The following RALGAPA2 variants were observed in gnomAD, a reference collection of about 807,000 sequenced individuals.
RALGAPA2 encodes ral GTPase-activating protein subunit alpha-2.
Under a neutral mutation model 230.4 loss-of-function variants are expected in RALGAPA2, and 139 were observed. The ratio of observed to expected loss-of-function variants is 0.60; its 90% CI spans 0.53 to 0.69. The LOEUF is 0.69. Ranked by LOEUF, RALGAPA2 falls within the 30% of genes least tolerant of loss-of-function variation. The pLI is 0.00. For synonymous variants in RALGAPA2, 847 were observed against 837.8 expected (o/e 1.01, Z -0.19); for missense variants, 2,163 against 2,276.0 (o/e 0.95, Z 1.01).
chr20:20,671,744 G>A (rs907769018), intron 3 of RALGAPA2, among the ~76,000 whole-genome samples: 7 of 152,134 alleles, frequency 4.6e-5, no homozygotes, highest in African/African-American at 1.7e-4. Context: ...ACCCTCCCTA[G>A]TCTAGAATTT....
intron 13 of RALGAPA2, among the ~76,000 whole-genome samples, chr20:20,615,042 G>A (rs2066094022): frequency 6.6e-6 from 1 of 152,266 alleles, no homozygotes; most frequent in East Asian, 1.9e-4. Context: ...CATTTTAAAG[G>A]CAGAAGTGAG....
chr20:20,707,549 G>T (rs1346071408), intron 1 of RALGAPA2, among the ~76,000 whole-genome samples: 6 of 152,092 alleles, frequency 3.9e-5, no homozygotes, highest in Non-Finnish European at 8.8e-5. Flanking sequence ...ATAAAATAAA[G>T]ACAACAGTTA....
chr20:20,528,223 T>C (rs550658129), intron 27 of RALGAPA2, among the ~76,000 whole-genome samples: 2 of 152,140 alleles, frequency 1.3e-5, no homozygotes, highest in Non-Finnish European at 2.9e-5. Flanking sequence ...AAATAAGCCA[T>C]TCATTTGCTC....
chr20:20,658,106 G>A (rs1398387734), intron 3 of RALGAPA2, among the ~76,000 whole-genome samples: 1 of 151,938 alleles, frequency 6.6e-6, no homozygotes, highest in Non-Finnish European at 1.5e-5. Context: ...ACCACTTCTG[G>A]GTAAGTTTTC....
At chr20:20,500,353 C>T (rs2062337543) in intron 35 of RALGAPA2, among the ~76,000 whole-genome samples, 1 of 152,220 alleles carries the variant, frequency 6.6e-6, no homozygotes, top group Non-Finnish European at 1.5e-5. Context: ...CCTGTCACTG[C>T]TTTACCAATT....
intron 36 of RALGAPA2, among the ~76,000 whole-genome samples, chr20:20,478,217 T>A (rs1402124037): frequency 6.6e-6 from 1 of 152,300 alleles, no homozygotes; most frequent in African/African-American, 2.4e-5. Context: ...TTAAGCTAAC[T>A]GATAAAATAA....
chr20:20,599,757 G>C (rs2146190358), intron 16 of RALGAPA2, among the ~76,000 whole-genome samples: 1 of 152,242 alleles, frequency 6.6e-6, no homozygotes, highest in Non-Finnish European at 1.5e-5. Context: ...CAAATCACCT[G>C]AGATCAGGAG....
intron 31 of RALGAPA2, among the ~76,000 whole-genome samples, chr20:20,516,795 G>A (rs529106503): frequency 1.6e-4 from 25 of 152,290 alleles, no homozygotes; most frequent in African/African-American, 2.9e-4. Context: ...TAGCAGTCAC[G>A]GTAGTCTGGC....
chr20:20,655,617 C>T (rs1336807990), intron 3 of RALGAPA2, among the ~76,000 whole-genome samples: 1 of 152,104 alleles, frequency 6.6e-6, no homozygotes, highest in African/African-American at 2.4e-5. Flanking sequence ...CCTGGAGAGG[C>T]AGGCGAGGCT....
At chr20:20,576,949 A>G (rs1458772876) in intron 20 of RALGAPA2, among the ~76,000 whole-genome samples, 5 of 152,142 alleles carry the variant, frequency 3.3e-5, no homozygotes, top group Admixed American at 6.6e-5. Context: ...TTTCTAGTAC[A>G]TGCATGTATG....
intron 5 of RALGAPA2, 56 bp downstream of exon 5, chr20:20,643,450 T>C (rs2067108386): frequency 1.4e-6 from 2 of 1,414,440 alleles, no homozygotes; most frequent in African/African-American, 1.5e-5. Context: ...TGTTACTTTG[T>C]GGCATTAACA....
At chr20:20,465,812 C>A (rs1176357655) in intron 37 of RALGAPA2, among the ~76,000 whole-genome samples, 1 of 152,188 alleles carries the variant, frequency 6.6e-6, no homozygotes, top group Non-Finnish European at 1.5e-5. Flanking sequence ...TTCTGCAAGG[C>A]ACTGAATGAA....
intron 36 of RALGAPA2, among the ~76,000 whole-genome samples, 187 bp from the exon 37 acceptor site, chr20:20,473,143 G>C (rs2061576291): frequency 6.6e-6 from 1 of 152,164 alleles, no homozygotes; most frequent in African/African-American, 2.4e-5. Flanking sequence ...GCCCCACAAT[G>C]CTCCTTTACT....
At chr20:20,492,561 T>C (rs955191733) in intron 36 of RALGAPA2, among the ~76,000 whole-genome samples, 5 of 152,166 alleles carry the variant, frequency 3.3e-5, no homozygotes, top group Non-Finnish European at 7.3e-5. Context: ...GGGTAAATTA[T>C]TGTACCAAAT....
intron 31 of RALGAPA2, among the ~76,000 whole-genome samples, chr20:20,519,543 G>GA (rs746963117): frequency 6.6e-6 from 1 of 152,222 alleles, no homozygotes; most frequent in Non-Finnish European, 1.5e-5. Context: ...CCACTCTGGT[G>GA]AAAGTGCTCT....
intron 36 of RALGAPA2, among the ~76,000 whole-genome samples, chr20:20,485,959 G>A (rs1295404389): frequency 6.6e-6 from 1 of 152,054 alleles, no homozygotes; most frequent in Non-Finnish European, 1.5e-5. Context: ...GGGCATCATG[G>A]CAAAACCCTG....
chr20:20,567,166 A>G (rs1347352964), intron 23 of RALGAPA2, among the ~76,000 whole-genome samples: 1 of 152,260 alleles, frequency 6.6e-6, no homozygotes, highest in Non-Finnish European at 1.5e-5. Context: ...TCTCTGATAC[A>G]TGTTCTTACA....
intron 29 of RALGAPA2, 114 bp from the exon 30 acceptor site, chr20:20,524,657 T>TG (rs1301748097): frequency 7.3e-7 from 1 of 1,367,038 alleles, no homozygotes; most frequent in African/African-American, 1.5e-5. Flanking sequence ...AGGTGCTAGA[T>TG]AAGTAGGTAA....
intron 23 of RALGAPA2, among the ~76,000 whole-genome samples, chr20:20,549,528 G>A (rs2063866253): frequency 6.6e-6 from 1 of 152,152 alleles, no homozygotes; most frequent in Admixed American, 6.6e-5. Context: ...CACTGGGGGA[G>A]GGTAAATGGG....
Sources: allele counts gnomAD v4.1 joint callset (sites outside exome capture counted in the v4.1 genomes callset), GRCh38; gene constraint gnomAD v4.1.1; transcripts MANE v1.5; gene names NCBI Gene and HGNC (gene_info 2026-07-23, HGNC 2026-07-21).